Variants in COL26A1 observed in about 807,000 individuals in gnomAD.
COL26A1 encodes collagen type XXVI alpha 1 chain.
Under a neutral mutation model 59.3 loss-of-function variants are expected in COL26A1, and 41 were observed. The ratio of observed to expected loss-of-function variants is 0.69; its 90% CI spans 0.54 to 0.90. The LOEUF is 0.90. COL26A1 is among the 40% of genes least tolerant of loss of function. The pLI, the probability that COL26A1 is intolerant of heterozygous loss-of-function variation, is 0.00. For synonymous variants in COL26A1, 266 were observed against 256.0 expected (o/e 1.04, Z -0.37); for missense variants, 612 against 602.3 (o/e 1.02, Z -0.17).
intron 3 of COL26A1, among the ~76,000 whole-genome samples, chr7:101,519,941 G>A (rs1292859915): frequency 1.3e-5 from 2 of 152,082 alleles, no homozygotes; most frequent in East Asian, 3.9e-4. Context: ...GTCCAGGCAG[G>A]GCTACAGGAT....
chr7:101,468,314 A>G (rs1484100970), intron 3 of COL26A1, among the ~76,000 whole-genome samples: 2 of 151,720 alleles, frequency 1.3e-5, no homozygotes, highest in Non-Finnish European at 2.9e-5. Context: ...AAAAAAAAAA[A>G]TAAAAGAAAT....
chr7:101,512,666 G>C (rs1382299095), intron 3 of COL26A1, among the ~76,000 whole-genome samples: 1 of 152,074 alleles, frequency 6.6e-6, no homozygotes, highest in East Asian at 1.9e-4. Flanking sequence ...CCACAAATTG[G>C]CCCTACCTCT....
At chr7:101,410,954 ACAGTTGG>A (rs1310469739) in intron 1 of COL26A1, among the ~76,000 whole-genome samples, 7 of 152,122 alleles carry the variant, frequency 4.6e-5, no homozygotes, top group Admixed American at 2.6e-4. Context: ...CTTCTTGAAC[ACAGTTGG>A]CAGGCAACCT....
chr7:101,502,321 G>A (rs1161960434), intron 3 of COL26A1, among the ~76,000 whole-genome samples: 10 of 152,142 alleles, frequency 6.6e-5, no homozygotes, highest in Non-Finnish European at 1.5e-4. Flanking sequence ...CAGCCTGGGC[G>A]ACAGAGCAAG....
chr7:101,489,663 TCCTTCCTTCCTTCCTTCC>T lies in COL26A1; in HGVS notation c.385+41877_385+41894del, dbSNP rs1381149715. ...TTTCTTTCTTTCTTTCTTTCTTTCT[TCCTTCCTTCCTTCCTTCC>T]TTTCTTTCTTTCTTTCTGTCTTTCT... On this transcript the variant is annotated intron_variant, in intron 3 of 12. Transcript: ENST00000313669. 8.1e-3 allele frequency among the ~76,000 whole-genome samples: 418 copies of T among 51,698 alleles called. 22 individuals are homozygous for T. The highest frequency in any genetic ancestry group is 9.5e-3 in the Non-Finnish European group (270 of 28,408). The allele number at this position is 51,698 out of a possible 152,430, so 33.9% of individuals were successfully genotyped here.
intron 3 of COL26A1, among the ~76,000 whole-genome samples, chr7:101,513,915 A>G (rs1490309240): frequency 6.6e-6 from 1 of 152,214 alleles, no homozygotes; most frequent in Non-Finnish European, 1.5e-5. Flanking sequence ...TGAAAAAGAC[A>G]GAACAACCTA....
At chr7:101,544,920 C>T (rs1031668216) in intron 6 of COL26A1, among the ~76,000 whole-genome samples, 3 of 152,158 alleles carry the variant, frequency 2.0e-5, no homozygotes, top group African/African-American at 7.2e-5. Flanking sequence ...TTAAACACCT[C>T]CAGAGACCAC....
rs1051226387 is a variant in COL26A1 at position 101,522,336 on chromosome 7, G to A, written c.386-10746G>A. Among the ~76,000 whole-genome samples the A allele has an allele frequency of 3.3e-5, 5 of 152,130 alleles. No homozygotes were observed. The East Asian group carries it at 5.8e-4, about 18-fold the overall frequency. On this transcript the variant is annotated intron_variant, in intron 3 of 12. Coordinates refer to ENST00000313669, the MANE Select transcript of COL26A1 (RefSeq NM_001278563.3). The stretch of plus-strand genomic sequence containing the variant: ...AGCCCTCTGGATGGGATAACTTTTC[G>A]TATATCCATCTGTCTCAGTCTGTTT...
At chr7:101,438,702 A>G (rs183407048) in intron 2 of COL26A1, among the ~76,000 whole-genome samples, 3 of 151,238 alleles carry the variant, frequency 2.0e-5, no homozygotes, top group African/African-American at 7.3e-5. Context: ...GACAGTCTCA[A>G]TCTTGCGGTC....
At chr7:101,471,568 T>TTG (rs1414209669) in intron 3 of COL26A1, among the ~76,000 whole-genome samples, 62 of 135,592 alleles carry the variant, frequency 4.6e-4, no homozygotes, top group African/African-American at 1.9e-3. Context: ...GTTGTTGTTG[T>TTG]TTGTTTTTTT....
chr7:101,464,025 G>A (rs1358386025), intron 3 of COL26A1, among the ~76,000 whole-genome samples: 1 of 150,062 alleles, frequency 6.7e-6, no homozygotes, highest in Non-Finnish European at 1.5e-5. Context: ...AATTGCAGTG[G>A]CACAATGATA....
chr7:101,483,988 AAAGTGT>A (rs1794212465), intron 3 of COL26A1, among the ~76,000 whole-genome samples: 1 of 82,610 alleles, frequency 1.2e-5, no homozygotes, highest in Non-Finnish European at 2.6e-5. Context: ...CTAACTTTTT[AAAGTGT>A]GTGTGTGTGT....
At chr7:101,445,054 TGG>T (rs1453417647) in intron 2 of COL26A1, among the ~76,000 whole-genome samples, 4 of 151,460 alleles carry the variant, frequency 2.6e-5, no homozygotes, top group Non-Finnish European at 4.4e-5. Context: ...TTGGCCAGGC[TGG>T]TCTCGAACTC....
chr7:101,491,162 C>G (rs115242140), intron 3 of COL26A1, among the ~76,000 whole-genome samples: 1 of 151,962 alleles, frequency 6.6e-6, no homozygotes, highest in Non-Finnish European at 1.5e-5. Flanking sequence ...GTGCATGCTC[C>G]CCCCTGCACG....
intron 1 of COL26A1, among the ~76,000 whole-genome samples, chr7:101,408,814 C>G (rs1219490780): frequency 6.6e-6 from 1 of 152,110 alleles, no homozygotes; most frequent in South Asian, 2.1e-4. Context: ...GATCCCAACT[C>G]TCTCCTAAGA....
At chr7:101,401,773 AGG>A (rs1792013638) in intron 1 of COL26A1, among the ~76,000 whole-genome samples, 2 of 150,990 alleles carry the variant, frequency 1.3e-5, no homozygotes, top group East Asian at 2.0e-4. Flanking sequence ...GAGGGAGAAG[AGG>A]AGGAGGAGGA....
chr7:101,398,950 T>A (rs1791927871), intron 1 of COL26A1, among the ~76,000 whole-genome samples: 1 of 152,026 alleles, frequency 6.6e-6, no homozygotes, highest in South Asian at 2.1e-4. Context: ...AGCCCCTGGG[T>A]GGGCTGCACA....
At chr7:101,447,650 A>C in intron 2 of COL26A1, 34 bp from the exon 3 acceptor site, 8 of 1,389,748 alleles carry the variant, frequency 5.8e-6, no homozygotes, top group Non-Finnish European at 8.0e-6. Flanking sequence ...GGTGGGTGGG[A>C]GCTCATGCCC....
intron 1 of COL26A1, among the ~76,000 whole-genome samples, chr7:101,393,716 G>A (rs549363930): frequency 2.0e-5 from 3 of 151,978 alleles, no homozygotes; most frequent in Non-Finnish European, 4.4e-5. Context: ...CAAAGTGCTG[G>A]GATTACAGGT....
Sources: gnomAD v4.1 joint callset for allele counts (sites outside exome capture counted in the v4.1 genomes callset) on GRCh38, gnomAD v4.1.1 for gene constraint, MANE v1.5 for transcripts, NCBI Gene and HGNC (gene_info 2026-07-23, HGNC 2026-07-21) for gene names.